The following PKD1L1 variants were observed in gnomAD, a reference collection of about 807,000 sequenced individuals.
PKD1L1 encodes the protein polycystin-1-like protein 1.
A neutral mutation model predicts 323.4 loss-of-function variants in PKD1L1; 236 were observed. That is an observed-to-expected ratio of 0.73 (90% CI 0.66 to 0.81). The LOEUF (loss-of-function observed/expected upper bound fraction) is 0.81. Ranked by LOEUF, PKD1L1 falls within the 40% of genes least tolerant of loss-of-function variation. The pLI is 0.00. For synonymous variants in PKD1L1, 1,344 were observed against 1,335.0 expected, an observed-to-expected ratio of 1.01 and a Z score of -0.15; for missense variants, 3,320 against 3,508.0, an observed-to-expected ratio of 0.95 and a Z score of 1.35.
chr7:47,853,126 C>T lies in PKD1L1; in HGVS notation c.4960+1G>A. 1 of 1,604,768 alleles carries T rather than the reference C, an allele frequency of 6.2e-7. No individual in the cohort carries two copies. Among genetic ancestry groups the T allele is most frequent in the Non-Finnish European group, 8.5e-7 (1 of 1,171,568 alleles). The stretch of plus-strand genomic sequence containing the variant: ...GAAAATAAGGCGCCCTGTTCACTGA[C>T]CTTTCTGAGAAGCAGCAGGTATATA... On this transcript the variant is annotated splice_donor_variant, in intron 31 of 56. Transcript: ENST00000289672. LOFTEE classifies it high-confidence loss of function.
At chr7:47,871,318 C>T (rs1260827328) in intron 24 of PKD1L1, among the ~76,000 whole-genome samples, 1 of 152,114 alleles carries the variant, frequency 6.6e-6, no homozygotes, top group African/African-American at 2.4e-5. Context: ...AATTTATTTT[C>T]ACAGTTTTGG....
intron 8 of PKD1L1, among the ~76,000 whole-genome samples, chr7:47,909,553 T>G (rs1583666715): frequency 6.6e-6 from 1 of 152,198 alleles, no homozygotes; most frequent in African/African-American, 2.4e-5. Context: ...GGGCCAGGTT[T>G]CCCTCTCAGA....
At position 47,899,474 on chromosome 7, in the gene PKD1L1, CT is replaced by C. The variant is rs771930345; in HGVS notation, c.2065-1281del. Among the ~76,000 whole-genome samples, 78 of 152,224 alleles carry C rather than the reference CT, an allele frequency of 5.1e-4. 2 individuals are homozygous for C. The East Asian group carries it at 9.3e-3, about 18-fold the overall frequency. On this transcript the variant is annotated intron_variant, in intron 13 of 56. Transcript: ENST00000289672. ...CCCTTACTCCTCCCAGCCACTCTGT[CT>C]TTCTGAAGCCCCTCCACACCCCCTA...
chr7:47,815,797 GGCAACAAATAAGACAAATAA>G (rs1785004048), intron 46 of PKD1L1, among the ~76,000 whole-genome samples: 3 of 151,856 alleles, frequency 2.0e-5, no homozygotes. Flanking sequence ...TGGGGAAACA[GGCAACAAATAAGACAAATAA>G]GCAAACATAT....
intron 34 of PKD1L1, among the ~76,000 whole-genome samples, chr7:47,842,521 G>A (rs1187135299): frequency 3.9e-5 from 6 of 152,082 alleles, no homozygotes; most frequent in South Asian, 2.1e-4. Context: ...ACAGCTCACC[G>A]CGGCACCCCT....
intron 50 of PKD1L1, among the ~76,000 whole-genome samples, chr7:47,810,201 T>C (rs1248209970): frequency 6.6e-6 from 1 of 152,150 alleles, no homozygotes; most frequent in African/African-American, 2.4e-5. Context: ...GTGCATTGTG[T>C]CCCATTGGCC....
intron 34 of PKD1L1, among the ~76,000 whole-genome samples, chr7:47,841,750 G>A (rs1785566783): frequency 6.6e-6 from 1 of 151,800 alleles, no homozygotes; most frequent in Non-Finnish European, 1.5e-5. Flanking sequence ...TTGTATGTGG[G>A]GTTTGATGAA....
chr7:47,845,679 T>C (rs1369219579), intron 32 of PKD1L1, among the ~76,000 whole-genome samples: 2 of 152,192 alleles, frequency 1.3e-5, no homozygotes, highest in African/African-American at 4.8e-5. Flanking sequence ...AACCTCTGCC[T>C]CCCAGGTTCA....
upstream of PKD1L1, among the ~76,000 whole-genome samples, chr7:47,951,296 G>A (rs1455201761): frequency 5.3e-5 from 8 of 152,262 alleles, no homozygotes; most frequent in South Asian, 1.2e-3. Flanking sequence ...GTGCAAGGAC[G>A]GAACCCCCTG....
At position 47,855,020 on chromosome 7, in the gene PKD1L1, G is replaced by A. The variant is rs377287755; in HGVS notation, c.4721C>T (p.Thr1574Met). 17 of 1,612,624 alleles carry A rather than the reference G, an allele frequency of 1.1e-5. No homozygotes were observed. The highest frequency in any genetic ancestry group is 9.3e-5 in the African/African-American group (7 of 74,930). ...TTTATCCCGAAGTAATACAAATGTC[G>A]TTTTATTTCTCCTATTATCCTGTCA... ...EDGLDNRRNK[T>M]TFVLLRDKVN... The change falls in exon 30 of 57, where the codon ACG (threonine) becomes ATG (methionine). Residue 1574 changes from threonine (T) to methionine (M), a missense_variant. Thr to Met is a moderately conservative substitution (Grantham distance 81, BLOSUM62 -1). Transcript: ENST00000289672.
chr7:47,908,371 T>G, intron 8 of PKD1L1, 121 bp from the exon 9 acceptor site: 1 of 950,260 alleles, frequency 1.1e-6, no homozygotes, highest in Non-Finnish European at 1.6e-6. Context: ...AGAGGTGATC[T>G]TTCTTGTCTC....
rs767804048 is a variant in PKD1L1, at chr7:47,855,156, A to AGGCCATCCTCCTCC, written c.4686_4699dup (p.Leu1567ArgfsTer22). On this transcript the variant is annotated frameshift_variant and splice_region_variant, in exon 29 of 57. Coordinates refer to ENST00000289672, the MANE Select transcript of PKD1L1 (RefSeq NM_138295.5). LOFTEE classifies it high-confidence loss of function. ...GATACTGAGAAAGGCTCTCCTTACC[A>AGGCCATCCTCCTCC]GGCCATCCTCCTCCCCAAACTCGAC... The AGGCCATCCTCCTCC allele has an allele frequency of 9.9e-6, 16 of 1,613,846 alleles. No individual in the cohort carries two copies. Among genetic ancestry groups the AGGCCATCCTCCTCC allele is most frequent in the Non-Finnish European group, 1.4e-5 (16 of 1,179,854 alleles).
chr7:47,868,703 C>T (rs558481696), intron 24 of PKD1L1, among the ~76,000 whole-genome samples: 4 of 152,174 alleles, frequency 2.6e-5, no homozygotes, highest in African/African-American at 9.6e-5. Context: ...TGGAGAAATC[C>T]CATCTCTACT....
At position 47,940,355 on chromosome 7, in the gene PKD1L1, C is replaced by T. The variant is rs748913054; in HGVS notation, c.161-38G>A. On this transcript the variant is annotated intron_variant, in intron 2 of 56. Coordinates refer to ENST00000289672, the MANE Select transcript of PKD1L1 (RefSeq NM_138295.5). ...AAAAAAGCAAACATTCTGAAGACTG[C>T]AATGTGCTGGGAAGGTGAGAACATA... The T allele has an allele frequency of 7.5e-6, 12 of 1,597,874 alleles. No individual in the cohort carries two copies. In the South Asian group the frequency reaches 1.3e-4, roughly 18 times the overall value.
At chr7:47,869,861 A>G (rs1786242838) in intron 24 of PKD1L1, among the ~76,000 whole-genome samples, 1 of 152,208 alleles carries the variant, frequency 6.6e-6, no homozygotes, top group South Asian at 2.1e-4. Context: ...AATAAATTTT[A>G]AACTACTGCT....
intron 7 of PKD1L1, among the ~76,000 whole-genome samples, chr7:47,916,643 C>T (rs1009756281): frequency 4.6e-5 from 7 of 152,202 alleles, no homozygotes; most frequent in Admixed American, 1.3e-4. Flanking sequence ...AAATGGTTCA[C>T]ATCACAGTAC....
chr7:47,803,402 A>G (rs1010690471), intron 52 of PKD1L1, 58 bp from the exon 53 acceptor site: 1 of 1,591,514 alleles, frequency 6.3e-7, no homozygotes, highest in Non-Finnish European at 8.6e-7. Context: ...AGGTGCAGAC[A>G]TATTCACAGC....
Position 47,931,931 on chromosome 7 carries a change from C to A in PKD1L1, c.519+5G>T. 6.2e-7 allele frequency: 1 copy of A among 1,609,720 alleles called. No individual in the cohort carries two copies. The stretch of plus-strand genomic sequence containing the variant: ...GAAATTCAATTGCAGGGGTTAGATA[C>A]CAACCTGGAGAAGAGCAGAGAATGT... On this transcript the variant is annotated splice_donor_5th_base_variant and intron_variant, in intron 5 of 56. Coordinates refer to ENST00000289672, the MANE Select transcript of PKD1L1 (RefSeq NM_138295.5).
chr7:47,840,607 A>C lies in PKD1L1; in HGVS notation c.5446-40T>G. ...CAGGGGTGGGAACTCAGGCTATTTC[A>C]CAGCAGACACCATGCAATGCTGGGC... On this transcript the variant is annotated intron_variant, in intron 34 of 56. Transcript: ENST00000289672. The surrounding 1 kb of genome is among the most constrained non-coding windows in gnomAD (Gnocchi z 4.1). The C allele has an allele frequency of 4.1e-6, 6 of 1,460,482 alleles. No homozygotes were observed. The highest frequency in any genetic ancestry group is 1.4e-5 in the African/African-American group (1 of 71,902). The allele number at this position is 1,460,482 out of a possible 1,614,324, so 90.5% of individuals were successfully genotyped here.
Sources: allele counts gnomAD v4.1 joint callset (sites outside exome capture counted in the v4.1 genomes callset), GRCh38; gene constraint gnomAD v4.1.1; non-coding constraint Gnocchi (gnomAD v3.1); transcripts MANE v1.5; gene names NCBI Gene and HGNC (gene_info 2026-07-23, HGNC 2026-07-21).